The following FAR2 variants were observed in gnomAD, a reference collection of about 807,000 sequenced individuals.
FAR2 encodes epididymis secretory protein Li 81.
Under a neutral mutation model 56.0 loss-of-function variants are expected in FAR2, and 19 were observed. The observed-to-expected ratio is 0.34, with a 90% CI of 0.24 to 0.50. FAR2 has a LOEUF of 0.50. FAR2 is among the 20% of genes least tolerant of loss of function. The pLI is 0.98. For missense variants in FAR2, 508 were observed against 642.2 expected, an observed-to-expected ratio of 0.79 and a Z score of 2.26; for synonymous variants, 219 against 218.8, an observed-to-expected ratio of 1.00 and a Z score of -0.01.
At chr12:29,260,031 G>A (rs993234130) in intron 1 of FAR2, among the ~76,000 whole-genome samples, 2 of 152,068 alleles carry the variant, frequency 1.3e-5, no homozygotes, top group Non-Finnish European at 2.9e-5. Flanking sequence ...TTCTAGAGTT[G>A]CATATGTGCT....
chr12:29,328,642 A>T (rs540211918), intron 10 of FAR2, among the ~76,000 whole-genome samples: 21 of 151,786 alleles, frequency 1.4e-4, no homozygotes, highest in African/African-American at 4.8e-4. Flanking sequence ...TATCGCAAGG[A>T]CAAAAAACCA....
chr12:29,255,619 CT>C (rs200836586), intron 1 of FAR2, among the ~76,000 whole-genome samples: 16 of 151,240 alleles, frequency 1.1e-4, no homozygotes, highest in African/African-American at 3.4e-4. Context: ...TTTCTTTTTT[CT>C]TTTTTTTTCT....
At chr12:29,269,411 T>C (rs1948576175) in intron 1 of FAR2, among the ~76,000 whole-genome samples, 2 of 152,218 alleles carry the variant, frequency 1.3e-5, no homozygotes. Flanking sequence ...TCCTGTTCTT[T>C]TTTCAAGGTG....
At chr12:29,310,502 A>G (rs1949328845) in intron 6 of FAR2, among the ~76,000 whole-genome samples, 1 of 151,970 alleles carries the variant, frequency 6.6e-6, no homozygotes, top group Non-Finnish European at 1.5e-5. Context: ...TTCCAAGCCA[A>G]AAAAAAAGTT....
At chr12:29,255,221 G>T (rs1948298903) in intron 1 of FAR2, among the ~76,000 whole-genome samples, 1 of 152,086 alleles carries the variant, frequency 6.6e-6, no homozygotes, top group African/African-American at 2.4e-5. Flanking sequence ...TTTCTTCCTG[G>T]CTTGCAGACT....
intron 1 of FAR2, among the ~76,000 whole-genome samples, chr12:29,253,540 A>T (rs938778069): frequency 2.6e-5 from 4 of 152,038 alleles, no homozygotes; most frequent in Admixed American, 1.3e-4. Context: ...TATTTGAAAA[A>T]GCCTTTAATT....
At position 29,201,530 on chromosome 12, in the gene FAR2, G is replaced by A. The variant is rs539731113; in HGVS notation, c.-39+52123G>A. 1.1e-4 allele frequency among the ~76,000 whole-genome samples: 16 copies of A among 152,208 alleles called. No homozygotes were observed. The South Asian group carries it at 1.2e-3, about 12-fold the overall frequency. On this transcript the variant is annotated intron_variant, in intron 1 of 11. Transcript: ENST00000536681. ...TTCCTCTATATGTAGACTTGAGTCC[G>A]GGGCATAAATGGAGGTCAAGTAATA...
At chr12:29,222,128 C>T (rs1947703168) in intron 1 of FAR2, among the ~76,000 whole-genome samples, 1 of 152,170 alleles carries the variant, frequency 6.6e-6, no homozygotes, top group South Asian at 2.1e-4. Flanking sequence ...GGATTACAGG[C>T]ATGAGCCACT....
intron 1 of FAR2, among the ~76,000 whole-genome samples, chr12:29,237,422 CA>C (rs1299906645): frequency 6.6e-6 from 1 of 152,078 alleles, no homozygotes; most frequent in Non-Finnish European, 1.5e-5. Flanking sequence ...GTTAAAAAAG[CA>C]AAATTGCTGG....
chr12:29,253,211 C>CGA (rs1171472100), intron 1 of FAR2, among the ~76,000 whole-genome samples: 2 of 89,604 alleles, frequency 2.2e-5, no homozygotes, highest in Non-Finnish European at 4.5e-5. Flanking sequence ...AGATAGGTAT[C>CGA]TATATATCGA....
chr12:29,264,663 G>A (rs2350313), intron 1 of FAR2, among the ~76,000 whole-genome samples: 17 of 47,572 alleles, frequency 3.6e-4, no homozygotes, highest in East Asian at 2.1e-3. Context: ...AAATAAAGGA[G>A]AGAGAGAGAG....
At chr12:29,201,630 G>A (rs925029796) in intron 1 of FAR2, among the ~76,000 whole-genome samples, 1 of 152,114 alleles carries the variant, frequency 6.6e-6, no homozygotes, top group African/African-American at 2.4e-5. Context: ...ACCATAATGT[G>A]TATAATGGCA....
chr12:29,329,155 T>G (rs1400223753), intron 10 of FAR2, among the ~76,000 whole-genome samples: 1 of 152,230 alleles, frequency 6.6e-6, no homozygotes, highest in Non-Finnish European at 1.5e-5. Context: ...TGTTTACATA[T>G]CACATATAGA....
intron 2 of FAR2, chr12:29,293,043 T>C (rs983182709): frequency 2.0e-5 from 5 of 246,604 alleles, no homozygotes; most frequent in African/African-American, 1.1e-4. Flanking sequence ...TTTTTTGTAT[T>C]TTTAGTAGAG....
intron 1 of FAR2, among the ~76,000 whole-genome samples, chr12:29,213,428 G>T (rs760731829): frequency 2.0e-5 from 3 of 152,068 alleles, no homozygotes; most frequent in African/African-American, 2.4e-5. Context: ...GGTGGCTCAC[G>T]CCTGTCATTC....
At chr12:29,296,385 T>C (rs909714309) in intron 3 of FAR2, among the ~76,000 whole-genome samples, 5 of 152,234 alleles carry the variant, frequency 3.3e-5, no homozygotes, top group Non-Finnish European at 7.3e-5. Context: ...TAAATGTCAT[T>C]TTAAACTTTT....
chr12:29,218,214 C>G (rs1056814642), intron 1 of FAR2, among the ~76,000 whole-genome samples: 3 of 151,962 alleles, frequency 2.0e-5, no homozygotes, highest in African/African-American at 4.8e-5. Flanking sequence ...AAAAAATTAA[C>G]CAGGTATGAT....
chr12:29,268,804 G>A lies in FAR2; in HGVS notation c.-38-1608G>A, dbSNP rs865788016. Among the ~76,000 whole-genome samples, 3 of 152,194 alleles carry A rather than the reference G, an allele frequency of 2.0e-5. No individual in the cohort carries two copies. In the South Asian group the frequency reaches 6.2e-4, roughly 32 times the overall value. ...ACAAAAGAGAGAAATTTTAAAGCTGGGCATCCGGGGGAGACATCACATGTC... is the reference window on the plus strand; with the variant it reads ...ACAAAAGAGAGAAATTTTAAAGCTGAGCATCCGGGGGAGACATCACATGTC... On this transcript the variant is annotated intron_variant, in intron 1 of 11. Coordinates refer to ENST00000536681, the MANE Select transcript of FAR2 (RefSeq NM_001271783.2).
rs997327570 is a variant in FAR2, at chr12:29,211,118, ATTC to A, written c.-38-59285_-38-59283del. ...TTTAGTCTGGCTTCTGCTGAGTTGC[ATTC>A]TTCTTCTTAAGAATATCTTGTGGAC... On this transcript the variant is annotated intron_variant, in intron 1 of 11. Coordinates refer to ENST00000536681, the MANE Select transcript of FAR2 (RefSeq NM_001271783.2). Among the ~76,000 whole-genome samples the A allele has an allele frequency of 9.9e-5, 15 of 151,928 alleles. No individual in the cohort carries two copies. In the East Asian group the frequency reaches 2.7e-3, roughly 28 times the overall value.
Sources: gnomAD v4.1 joint callset for allele counts (sites outside exome capture counted in the v4.1 genomes callset) on GRCh38, gnomAD v4.1.1 for gene constraint, MANE v1.5 for transcripts, NCBI Gene and HGNC (gene_info 2026-07-23, HGNC 2026-07-21) for gene names.